The following SOX30 variants were observed in gnomAD, a reference collection of about 807,000 sequenced individuals.
SOX30 encodes SRY-box transcription factor 30.
In SOX30, 17 loss-of-function variants were observed where a neutral mutation model predicts 58.6. The observed-to-expected ratio is 0.29, with a 90% CI of 0.20 to 0.44. The LOEUF (loss-of-function observed/expected upper bound fraction) is 0.44, where lower values mean the gene tolerates loss of function less well. SOX30 is among the 20% of genes least tolerant of loss of function. The probability of loss-of-function intolerance (pLI) is 1.00; values close to 1 mark genes in which losing one functional copy is unlikely to be tolerated. For missense variants in SOX30, 951 were observed against 965.8 expected (o/e 0.98, Z 0.20); for synonymous variants, 421 against 400.2 (o/e 1.05, Z -0.62).
At chr5:157,669,486 T>TTTTTTTTTTTTA (rs368001314) in intron 1 of SOX30, among the ~76,000 whole-genome samples, 6 of 136,746 alleles carry the variant, frequency 4.4e-5, no homozygotes, top group African/African-American at 1.7e-4. Context: ...CGCCCATCAA[T>TTTTTTTTTTTTA]TTTATTTATT....
intron 2 of SOX30, among the ~76,000 whole-genome samples, chr5:157,666,173 G>C (rs1759666364): frequency 6.6e-6 from 1 of 151,810 alleles, no homozygotes; most frequent in Admixed American, 6.6e-5. Flanking sequence ...GTTTGTTTTT[G>C]AGACAGGGTC....
chr5:157,638,722 C>T lies in SOX30; in HGVS notation c.1388G>A (p.Gly463Asp). Reference sequence around the variant, plus strand: ...CAGCTGGATAGCAGGTGAGGTTTCACCTTTAGAAATAAAAATAGCATAAAT... The same window carrying T: ...CAGCTGGATAGCAGGTGAGGTTTCATCTTTAGAAATAAAAATAGCATAAAT... The part of the protein sequence containing the change: ...SLQNPITHPV[G>D]ETSPAIQLPT... The change falls in exon 4 of 5, where the codon GGT (glycine) becomes GAT (aspartate). Residue 463 changes from glycine (G) to aspartate (D), a missense_variant and splice_region_variant. Around this residue, in one of 7 missense-constraint regions of SOX30, gnomAD observed 381 missense variants for 390.0 expected, o/e 0.98. Transcript: ENST00000265007. The T allele has an allele frequency of 6.3e-7, 1 of 1,584,066 alleles. No individual in the cohort carries two copies. Among genetic ancestry groups the T allele is most frequent in the African/African-American group, 1.4e-5 (1 of 73,612 alleles).
At chr5:157,659,131 G>A (rs1436354825) in intron 2 of SOX30, among the ~76,000 whole-genome samples, 1 of 152,058 alleles carries the variant, frequency 6.6e-6, no homozygotes, top group African/African-American at 2.4e-5. Flanking sequence ...CATAAAAATG[G>A]GCAACCAGCA....
At position 157,651,538 on chromosome 5, in the gene SOX30, C is replaced by T; in HGVS notation, c.541G>A (p.Asp181Asn). Residue 181 changes from aspartate to asparagine, a missense_variant, in exon 1 of 5, where the codon GAC becomes AAC. Physicochemically the swap from Asp to Asn is conservative, Grantham distance 23. This residue lies in a region of SOX30 where 363 missense variants were observed against 294.5 expected (regional missense o/e 1.23). Coordinates refer to ENST00000265007, the MANE Select transcript of SOX30 (RefSeq NM_178424.2). ...PGPALGYFRG[D>N]EKGKLEAEEV... ...TCCGCCTCCAGCTTGCCCTTCTCGT[C>T]CCCTCGGAAGTAGCCGAGGGCCGGC... 1 of 1,613,364 alleles carries T rather than the reference C, an allele frequency of 6.2e-7. No individual in the cohort carries two copies. The highest frequency in any genetic ancestry group is 8.5e-7 in the Non-Finnish European group (1 of 1,180,022).
intron 1 of SOX30, among the ~76,000 whole-genome samples, chr5:157,668,084 C>T (rs1203544888): frequency 6.6e-6 from 1 of 152,240 alleles, no homozygotes; most frequent in Non-Finnish European, 1.5e-5. Flanking sequence ...CAGTGATTCT[C>T]AGCTTCATTA....
intron 4 of SOX30, among the ~76,000 whole-genome samples, chr5:157,636,410 GTAAAAT>G (rs1373042112): frequency 6.6e-6 from 1 of 152,086 alleles, no homozygotes; most frequent in African/African-American, 2.4e-5. Context: ...CAAAATTCCT[GTAAAAT>G]CCTAGATCCT....
At chr5:157,657,467 A>G (rs1023967351) in intron 2 of SOX30, among the ~76,000 whole-genome samples, 18 of 152,204 alleles carry the variant, frequency 1.2e-4, no homozygotes, top group Admixed American at 1.0e-3. Context: ...CAGATTTCTG[A>G]TAACTTTGGA....
In SOX30 at chr5:157,651,535, C is replaced by G. The variant is rs778806190; in HGVS notation, c.544G>C (p.Glu182Gln). The G allele has an allele frequency of 6.2e-7, 1 of 1,613,254 alleles. No homozygotes were observed. The highest frequency in any genetic ancestry group is 8.5e-7 in the Non-Finnish European group (1 of 1,180,038). Residue 182 changes from glutamate to glutamine, a missense_variant, in exon 1 of 5, where the codon GAG (glutamate) becomes CAG (glutamine). By Grantham distance (29) the Glu-to-Gln change is conservative. Coordinates refer to ENST00000265007, the MANE Select transcript of SOX30 (RefSeq NM_178424.2). The stretch of plus-strand genomic sequence containing the variant: ...TCCTCCGCCTCCAGCTTGCCCTTCT[C>G]GTCCCCTCGGAAGTAGCCGAGGGCC... ...GPALGYFRGD[E>Q]KGKLEAEEVM...
intron 2 of SOX30, among the ~76,000 whole-genome samples, chr5:157,666,518 CACACACACA>C (rs1561591713): frequency 6.1e-5 from 9 of 147,122 alleles, no homozygotes; most frequent in African/African-American, 2.4e-4. Flanking sequence ...CACACACACA[CACACACACA>C]CCTCAGTTCA....
chr5:157,650,519 T>C (rs72811401), intron 1 of SOX30, among the ~76,000 whole-genome samples: 4,727 of 152,298 alleles, frequency 0.031, 151 homozygotes, highest in East Asian at 0.099. Flanking sequence ...AGTCATTTCT[T>C]TAAAAATAAT....
At chr5:157,655,379 C>T (rs540399684), upstream of SOX30, among the ~76,000 whole-genome samples, 9 of 152,228 alleles carry the variant, frequency 5.9e-5, no homozygotes, top group Non-Finnish European at 1.2e-4. Context: ...AGAAGCCCAA[C>T]TTAGGAGGGT....
exon 2 of SOX30, chr5:157,667,831 C>T: frequency 6.5e-7 from 1 of 1,535,604 alleles, no homozygotes; most frequent in Non-Finnish European, 8.7e-7. Flanking sequence ...TGTTCCTTCC[C>T]TCTACAACAT....
upstream of SOX30, among the ~76,000 whole-genome samples, chr5:157,655,399 T>C (rs1759452541): frequency 6.6e-6 from 1 of 152,186 alleles, no homozygotes; most frequent in Admixed American, 6.5e-5. Flanking sequence ...TTAGAGTCCC[T>C]TCTAAGATTT....
At chr5:157,643,647 C>T (rs773207902) in intron 3 of SOX30, among the ~76,000 whole-genome samples, 1 of 151,930 alleles carries the variant, frequency 6.6e-6, no homozygotes, top group Non-Finnish European at 1.5e-5. Flanking sequence ...TATTAATGCA[C>T]AAAGCTTGCT....
At chr5:157,666,871 A>G (rs961802588) in intron 2 of SOX30, among the ~76,000 whole-genome samples, 4 of 152,042 alleles carry the variant, frequency 2.6e-5, no homozygotes, top group African/African-American at 9.7e-5. Context: ...ACACCTGGCT[A>G]ATTTTTGTGT....
intron 3 of SOX30, among the ~76,000 whole-genome samples, chr5:157,646,014 C>A: frequency 9.3e-6 from 1 of 107,174 alleles, no homozygotes; most frequent in Admixed American, 8.2e-5. Context: ...GCGAAAACTC[C>A]ATCTCAAAAA....
intron 2 of SOX30, among the ~76,000 whole-genome samples, chr5:157,660,496 T>TA (rs1437431622): frequency 2.0e-5 from 3 of 151,092 alleles, no homozygotes; most frequent in African/African-American, 4.8e-5. Flanking sequence ...TAATAAAATA[T>TA]AAAAAATATA....
Position 157,626,624 on chromosome 5 carries a change from C to G in SOX30, c.1978G>C (p.Glu660Gln). The change falls in exon 5 of 5, where the codon GAG (glutamate) becomes CAG (glutamine). Residue 660 changes from glutamate to glutamine, a missense_variant. This residue lies in a region of SOX30 where 381 missense variants were observed against 390.0 expected (regional missense o/e 0.98). Transcript: ENST00000265007. ...CTATTTAAAGTTGAAAAGATACCCT[C>G]ATGTTTTGGGTACCTGTCTTCATAA... is the stretch of plus-strand genomic sequence containing the variant. ...SYYEDRYPKH[E>Q]GIFSTLNRDY... 1 of 1,614,078 alleles carries G rather than the reference C, an allele frequency of 6.2e-7. No homozygotes were observed. The highest frequency in any genetic ancestry group is 8.5e-7 in the Non-Finnish European group (1 of 1,179,950).
intron 2 of SOX30, among the ~76,000 whole-genome samples, chr5:157,660,930 T>C (rs1759566425): frequency 6.6e-6 from 1 of 152,240 alleles, no homozygotes; most frequent in Non-Finnish European, 1.5e-5. Context: ...TATTTTCCTA[T>C]TTGCAAACAT....
Sources: gnomAD v4.1 joint callset for allele counts (sites outside exome capture counted in the v4.1 genomes callset) on GRCh38, gnomAD v4.1.1 for gene constraint, gnomAD v4.1.1 regional missense constraint, MANE v1.5 for transcripts, NCBI Gene and HGNC (gene_info 2026-07-23, HGNC 2026-07-21) for gene names.